FBXW7: variants seen among roughly 807,000 people sequenced by gnomAD.
FBXW7 encodes F-box/WD repeat-containing protein 7.
Under a neutral mutation model 86.3 loss-of-function variants are expected in FBXW7, and 11 were observed. The ratio of observed to expected loss-of-function variants is 0.13; its 90% CI spans 0.08 to 0.21. The LOEUF is 0.21. FBXW7 is among the 10% of genes least tolerant of loss of function. The pLI, the probability that FBXW7 is intolerant of heterozygous loss-of-function variation, is 1.00. For missense variants in FBXW7, 488 were observed against 847.4 expected, an observed-to-expected ratio of 0.58 and a Z score of 5.27; for synonymous variants, 313 against 297.9, an observed-to-expected ratio of 1.05 and a Z score of -0.52.
At position 152,508,065 on chromosome 4, in the gene FBXW7, G is replaced by A. The variant is rs530711146; in HGVS notation, c.-120+26876C>T. Among the ~76,000 whole-genome samples the A allele has an allele frequency of 2.6e-5, 4 of 151,124 alleles. No individual in the cohort carries two copies. The East Asian group carries it at 7.8e-4, about 29-fold the overall frequency. On this transcript the variant is annotated intron_variant, in intron 2 of 13. Coordinates refer to ENST00000281708, the MANE Select transcript of FBXW7 (RefSeq NM_001349798.2). ...AGCCTGAGTGACACAGCAGGACCCT[G>A]ACTCAAAAAGAAAAAAAAAAAGTTA...
intron 2 of FBXW7, among the ~76,000 whole-genome samples, chr4:152,426,100 C>T (rs1432768397): frequency 6.6e-6 from 1 of 152,110 alleles, no homozygotes; most frequent in African/African-American, 2.4e-5. Context: ...TGGTAATGTT[C>T]CTGGGCAACT....
At chr4:152,389,561 C>A (rs1053016882) in intron 4 of FBXW7, among the ~76,000 whole-genome samples, 2 of 151,884 alleles carry the variant, frequency 1.3e-5, no homozygotes, top group African/African-American at 4.8e-5. Context: ...GTAAAGTGTA[C>A]ACATGAACAT....
At chr4:152,522,998 T>C (rs1180130039) in intron 2 of FBXW7, among the ~76,000 whole-genome samples, 1 of 152,222 alleles carries the variant, frequency 6.6e-6, no homozygotes, top group East Asian at 1.9e-4. Flanking sequence ...TTGAATCTTA[T>C]CTAGCACTAA....
chr4:152,327,352 G>C (rs893297920), intron 11 of FBXW7, among the ~76,000 whole-genome samples: 3 of 151,888 alleles, frequency 2.0e-5, no homozygotes, highest in African/African-American at 7.2e-5. Flanking sequence ...TCTTAATAAA[G>C]AAGATGCGAT....
intron 2 of FBXW7, among the ~76,000 whole-genome samples, chr4:152,480,550 G>A (rs1744792151): frequency 6.6e-6 from 1 of 152,148 alleles, no homozygotes; most frequent in African/African-American, 2.4e-5. Context: ...GCTTAGTGAG[G>A]AAGGAATGAT....
In FBXW7 at chr4:152,333,357, A is replaced by T. The variant is rs534176450; in HGVS notation, c.862-638T>A. Among the ~76,000 whole-genome samples, 5 of 152,230 alleles carry T rather than the reference A, an allele frequency of 3.3e-5. No homozygotes were observed. The East Asian group carries it at 9.6e-4, about 29-fold the overall frequency. On this transcript the variant is annotated intron_variant, in intron 7 of 13. Coordinates refer to ENST00000281708, the MANE Select transcript of FBXW7 (RefSeq NM_001349798.2). ...GGATCTTCTTGATGGGCCACATAAG[A>T]GTTGTATATTTGAGCTAAATCTTTG...
At chr4:152,393,542 C>T (rs1736168477) in intron 4 of FBXW7, among the ~76,000 whole-genome samples, 1 of 152,052 alleles carries the variant, frequency 6.6e-6, no homozygotes, top group Admixed American at 6.6e-5. Flanking sequence ...GTTTTTCACT[C>T]ATTAAACCCT....
At chr4:152,373,723 T>C (rs2714805) in intron 4 of FBXW7, among the ~76,000 whole-genome samples, 94,437 of 151,858 alleles carry the variant, frequency 0.62, 31,085 homozygotes, top group Non-Finnish European at 0.75. Context: ...CCTCATACTC[T>C]GACAGTACTT....
Position 152,536,067 on chromosome 4 carries a change from CG to C in FBXW7, c.-1154del. ...AGCTCGCTGTCTCCCTCGCTCTGTG[CG>C]GGGCTCTCGCCTCACTCCAGAGAGA... is the stretch of plus-strand genomic sequence containing the variant. On this transcript the variant is annotated 5_prime_UTR_variant, in exon 1 of 14. Transcript: ENST00000281708. 5.7e-6 allele frequency: 1 copy of C among 175,280 alleles called. No individual in the cohort carries two copies. The highest frequency in any genetic ancestry group is 1.1e-4 in the South Asian group (1 of 9,062). 10.9% of individuals were successfully genotyped at this position (175,280 alleles called of 1,614,324 possible).
chr4:152,342,565 T>C (rs985553221), intron 6 of FBXW7, among the ~76,000 whole-genome samples: 39 of 152,202 alleles, frequency 2.6e-4, no homozygotes, highest in African/African-American at 9.4e-4. Flanking sequence ...GTGTCTCAAT[T>C]AGATAGACTG....
chr4:152,469,862 A>T (rs1190617114), intron 2 of FBXW7, among the ~76,000 whole-genome samples: 2 of 152,126 alleles, frequency 1.3e-5, no homozygotes, highest in African/African-American at 4.8e-5. Context: ...TACACTCACT[A>T]TTGTAAATGT....
At chr4:152,327,038 T>C (rs1729102871) in intron 11 of FBXW7, among the ~76,000 whole-genome samples, 1 of 152,122 alleles carries the variant, frequency 6.6e-6, no homozygotes, top group African/African-American at 2.4e-5. Context: ...AATACTGTAA[T>C]CACTTTTGGA....
At chr4:152,361,965 C>CAAAAAAAAAA (rs569330155) in intron 4 of FBXW7, among the ~76,000 whole-genome samples, 4 of 36,954 alleles carry the variant, frequency 1.1e-4, no homozygotes, top group Non-Finnish European at 1.7e-4. Flanking sequence ...GACTCCATCT[C>CAAAAAAAAAA]AAAAAAAAAA....
intron 2 of FBXW7, among the ~76,000 whole-genome samples, chr4:152,456,360 T>TA (rs58250889): frequency 0.07 from 5,071 of 72,128 alleles, 324 homozygotes; most frequent in Non-Finnish European, 0.1. Context: ...AAAAAATCCT[T>TA]AAAAAAAAAA....
intron 2 of FBXW7, among the ~76,000 whole-genome samples, chr4:152,499,240 T>C (rs879489240): frequency 1.3e-5 from 2 of 152,118 alleles, no homozygotes; most frequent in Admixed American, 6.6e-5. Flanking sequence ...ACATGCACAT[T>C]AGAAAGCAAT....
chr4:152,422,173 T>C (rs1310645180), intron 2 of FBXW7, among the ~76,000 whole-genome samples: 1 of 152,170 alleles, frequency 6.6e-6, no homozygotes, highest in African/African-American at 2.4e-5. Flanking sequence ...TCTGAGTTCT[T>C]CTAGCCTCTT....
chr4:152,505,987 C>T (rs1042076767), intron 2 of FBXW7, among the ~76,000 whole-genome samples: 4 of 151,922 alleles, frequency 2.6e-5, no homozygotes, highest in Non-Finnish European at 4.4e-5. Context: ...GCAATTCGTC[C>T]GCCTCGGCCT....
At chr4:152,409,676 A>T (rs1190452187) in intron 4 of FBXW7, among the ~76,000 whole-genome samples, 2 of 151,994 alleles carry the variant, frequency 1.3e-5, no homozygotes, top group African/African-American at 4.8e-5. Context: ...CTCATGATCA[A>T]CAATATATCA....
chr4:152,346,583 T>C (rs1363874392), intron 6 of FBXW7, among the ~76,000 whole-genome samples: 1 of 152,152 alleles, frequency 6.6e-6, no homozygotes, highest in African/African-American at 2.4e-5. Flanking sequence ...CTTCCCAGTA[T>C]ATTCACCTTG....
Sources: gnomAD v4.1 joint callset for allele counts (sites outside exome capture counted in the v4.1 genomes callset) on GRCh38, gnomAD v4.1.1 for gene constraint, MANE v1.5 for transcripts, NCBI Gene and HGNC (gene_info 2026-07-23, HGNC 2026-07-21) for gene names.